MERTK: variants seen among roughly 807,000 people sequenced by gnomAD.
MERTK encodes tyrosine-protein kinase Mer.
A neutral mutation model predicts 99.3 loss-of-function variants in MERTK; 69 were observed. The observed-to-expected ratio is 0.70, with a 90% CI of 0.57 to 0.85. The LOEUF (loss-of-function observed/expected upper bound fraction) is 0.85. Ranked by LOEUF, MERTK falls within the 40% of genes least tolerant of loss-of-function variation. The pLI, the probability that MERTK is intolerant of heterozygous loss-of-function variation, is 0.00. For missense variants in MERTK, 1,125 were observed against 1,249.4 expected, an observed-to-expected ratio of 0.90 and a Z score of 1.50; for synonymous variants, 426 against 467.6, an observed-to-expected ratio of 0.91 and a Z score of 1.15.
intron 7 of MERTK, among the ~76,000 whole-genome samples, chr2:111,981,633 T>TAA (rs1676372512): frequency 1.3e-5 from 2 of 152,210 alleles, no homozygotes; most frequent in African/African-American, 2.4e-5. Flanking sequence ...AGAGAGCATA[T>TAA]TATTTTCAAT....
At chr2:111,914,879 G>A (rs905304723) in intron 1 of MERTK, among the ~76,000 whole-genome samples, 2 of 151,932 alleles carry the variant, frequency 1.3e-5, no homozygotes, top group African/African-American at 4.8e-5. Flanking sequence ...TCTGGTTTTG[G>A]TATCAGAGCA....
At chr2:111,912,254 A>T (rs1684264493) in intron 1 of MERTK, among the ~76,000 whole-genome samples, 1 of 151,344 alleles carries the variant, frequency 6.6e-6, no homozygotes, top group African/African-American at 2.4e-5. Flanking sequence ...TGATTTGCCC[A>T]CCTCGGTCTC....
At chr2:111,997,221 T>G in intron 9 of MERTK, 102 bp from the exon 10 acceptor site, 2 of 1,333,598 alleles carry the variant, frequency 1.5e-6, no homozygotes, top group Non-Finnish European at 2.2e-6. Context: ...TATAAAAGAT[T>G]TAACTGAGTT....
intron 6 of MERTK, among the ~76,000 whole-genome samples, chr2:111,973,500 A>T (rs1488524573): frequency 6.6e-6 from 1 of 152,172 alleles, no homozygotes; most frequent in Middle Eastern, 3.2e-3. Context: ...GGGATTTGGA[A>T]TTCCAGAATG....
chr2:111,981,694 A>T (rs927472951), intron 7 of MERTK, among the ~76,000 whole-genome samples: 1 of 151,980 alleles, frequency 6.6e-6, no homozygotes, highest in Admixed American at 6.6e-5. Flanking sequence ...TGTAGTAATG[A>T]TCTTGACTTG....
intron 10 of MERTK, among the ~76,000 whole-genome samples, chr2:112,000,769 G>A (rs1676851818): frequency 6.6e-6 from 1 of 152,170 alleles, no homozygotes; most frequent in Non-Finnish European, 1.5e-5. Flanking sequence ...CATATTGACA[G>A]CATGAGGGTT....
rs778704547 is a variant in MERTK, at chr2:111,898,784, C to T, written c.49C>T (p.Leu17Phe). 6 of 1,597,752 alleles carry T rather than the reference C, an allele frequency of 3.8e-6. No individual in the cohort carries two copies. In the South Asian group the frequency reaches 6.8e-5, roughly 18 times the overall value. Residue 17 changes from leucine (L) to phenylalanine (F), a missense_variant, in exon 1 of 19, where the codon CTC becomes TTC. Physicochemically the swap from Leu to Phe is conservative, Grantham distance 22. Coordinates refer to ENST00000295408, the MANE Select transcript of MERTK (RefSeq NM_006343.3). The part of the protein sequence containing the change: ...PLLLGLFLPA[L>F]WRRAITEARE... ...GCTGCTGGGCCTCTTCCTCCCCGCGCTCTGGCGTAGAGGTGAGTGCGCCCG... is the reference window on the plus strand; with the variant it reads ...GCTGCTGGGCCTCTTCCTCCCCGCGTTCTGGCGTAGAGGTGAGTGCGCCCG...
At chr2:112,020,141 T>C (rs976369796) in intron 16 of MERTK, among the ~76,000 whole-genome samples, 7 of 152,240 alleles carry the variant, frequency 4.6e-5, no homozygotes, top group African/African-American at 1.7e-4. Flanking sequence ...TTTGTTTTTC[T>C]TGGTCAGAGA....
chr2:111,962,204 A>G (rs955141084), intron 4 of MERTK, among the ~76,000 whole-genome samples: 1 of 152,198 alleles, frequency 6.6e-6, no homozygotes, highest in Admixed American at 6.5e-5. Flanking sequence ...GTATAGTTGT[A>G]ATTCTAAAAA....
intron 4 of MERTK, among the ~76,000 whole-genome samples, chr2:111,964,947 A>G (rs7576254): frequency 0.043 from 6,588 of 152,266 alleles, 492 homozygotes; most frequent in African/African-American, 0.15. Flanking sequence ...CTAATGTCTC[A>G]CCATTCAGGA....
chr2:111,994,339 C>T lies in MERTK; in HGVS notation c.1385C>T (p.Ala462Val). 6.2e-7 allele frequency: 1 copy of T among 1,614,134 alleles called. No homozygotes were observed. The highest frequency in any genetic ancestry group is 8.5e-7 in the Non-Finnish European group (1 of 1,180,036). The stretch of plus-strand genomic sequence containing the variant: ...AATGCTACGTGCACAGTGAGGATTG[C>T]AGCCGTCACCAGAGGGGGAGTTGGG... ...VHNATCTVRI[A>V]AVTRGGVGPF... is the part of the protein sequence containing the mutation. The change falls in exon 9 of 19, where the codon GCA (alanine) becomes GTA (valine). Residue 462 changes from alanine (A) to valine (V), a missense_variant. Coordinates refer to ENST00000295408, the MANE Select transcript of MERTK (RefSeq NM_006343.3).
Position 112,023,223 on chromosome 2 carries a change from G to A in MERTK, c.2486+829G>A, listed in dbSNP as rs1044967607. Reference sequence around the variant, plus strand: ...AGGTCAGGAGTTCGAGACCATCCTCGCTAACACAGTGAAACCCCGTCTCCG... The same window carrying A: ...AGGTCAGGAGTTCGAGACCATCCTCACTAACACAGTGAAACCCCGTCTCCG... On this transcript the variant is annotated intron_variant, in intron 18 of 18. Transcript: ENST00000295408. Among the ~76,000 whole-genome samples the A allele has an allele frequency of 2.8e-4, 42 of 152,196 alleles. 1 individual carries two copies. Among genetic ancestry groups the A allele is most frequent in the African/African-American group, 9.2e-4 (38 of 41,524 alleles).
intron 4 of MERTK, among the ~76,000 whole-genome samples, chr2:111,957,089 G>A (rs961636352): frequency 1.3e-4 from 19 of 151,760 alleles, no homozygotes; most frequent in African/African-American, 3.1e-4. Context: ...CACCTAGCCC[G>A]GCTAATTTTT....
chr2:111,963,305 G>A (rs1685288541), intron 4 of MERTK, among the ~76,000 whole-genome samples: 1 of 152,198 alleles, frequency 6.6e-6, no homozygotes, highest in Admixed American at 6.5e-5. Flanking sequence ...CCCAGGGATG[G>A]GCAGGAGAGC....
chr2:112,001,343 A>C lies in MERTK; in HGVS notation c.1690+57A>C, dbSNP rs1676865620. On this transcript the variant is annotated intron_variant, in intron 11 of 18. Coordinates refer to ENST00000295408, the MANE Select transcript of MERTK (RefSeq NM_006343.3). ...AAGTTAAAATAGTTGAGAACAAAGA[A>C]GGATCAATAGACAGATTTCTAACAA... 2.1e-5 allele frequency: 28 copies of C among 1,314,228 alleles called. 1 individual carries two copies. The South Asian group carries it at 3.3e-4, about 15-fold the overall frequency. 81.4% of individuals were successfully genotyped at this position (1,314,228 alleles called of 1,614,324 possible).
intron 1 of MERTK, among the ~76,000 whole-genome samples, chr2:111,924,540 G>A (rs111763693): frequency 1.7e-4 from 26 of 152,060 alleles, no homozygotes; most frequent in African/African-American, 5.8e-4. Context: ...CTGCCTTCCT[G>A]GAAGGTTCCC....
intron 1 of MERTK, among the ~76,000 whole-genome samples, chr2:111,917,418 G>A (rs536016926): frequency 6.6e-6 from 1 of 152,250 alleles, no homozygotes; most frequent in South Asian, 2.1e-4. Context: ...GAGTAGAGCA[G>A]TTTATTGTCT....
At chr2:111,930,477 A>AC (rs199688196) in intron 2 of MERTK, 2 of 150,320 alleles carry the variant, frequency 1.3e-5, no homozygotes, top group Non-Finnish European at 2.9e-5. Flanking sequence ...AAAAAAAAAA[A>AC]CCCCCAAAAA....
At chr2:112,022,504 A>T (rs762257829) in intron 18 of MERTK, 110 bp downstream of exon 18, 2 of 1,532,172 alleles carry the variant, frequency 1.3e-6, no homozygotes, top group Non-Finnish European at 1.8e-6. Flanking sequence ...GCTGTTAGCC[A>T]GGTGGGCATG....
Sources: gnomAD v4.1 joint callset for allele counts (sites outside exome capture counted in the v4.1 genomes callset) on GRCh38, gnomAD v4.1.1 for gene constraint, MANE v1.5 for transcripts, NCBI Gene and HGNC (gene_info 2026-07-23, HGNC 2026-07-21) for gene names.